The following TNFSF11 variants were observed in gnomAD, a reference collection of about 807,000 sequenced individuals.
TNFSF11 encodes tumor necrosis factor ligand superfamily member 11.
TNFSF11 carries 12 observed loss-of-function variants against 32.2 expected under a neutral mutation model. The ratio of observed to expected loss-of-function variants is 0.37; its 90% CI spans 0.24 to 0.60. The LOEUF (loss-of-function observed/expected upper bound fraction) is 0.60. Among genes scored for constraint, TNFSF11 ranks in the 20% least tolerant of loss-of-function variants. The pLI is 0.66. For missense variants in TNFSF11, 345 were observed against 398.0 expected (o/e 0.87, Z 1.13); for synonymous variants, 172 against 152.1 (o/e 1.13, Z -0.96).
chr13:42,573,583 G>A (rs1471595515), upstream of TNFSF11, among the ~76,000 whole-genome samples: 1 of 152,054 alleles, frequency 6.6e-6, no homozygotes, highest in Non-Finnish European at 1.5e-5. Flanking sequence ...GCTCTCTACT[G>A]CCACATTCAA....
intron 2 of TNFSF11, among the ~76,000 whole-genome samples, chr13:42,582,775 T>G (rs1024161118): frequency 1.3e-5 from 2 of 152,222 alleles, no homozygotes; most frequent in African/African-American, 4.8e-5. Flanking sequence ...AATCTATTCA[T>G]TTTTATTGTT....
chr13:42,567,206 A>T (rs1301268943), intron 2 of TNFSF11, among the ~76,000 whole-genome samples: 1 of 152,182 alleles, frequency 6.6e-6, no homozygotes, highest in African/African-American at 2.4e-5. Context: ...GTTTTCAGAA[A>T]CAGCTACAAT....
chr13:42,600,477 T>C (rs1869108003), intron 2 of TNFSF11, among the ~76,000 whole-genome samples: 1 of 152,234 alleles, frequency 6.6e-6, no homozygotes, highest in Non-Finnish European at 1.5e-5. Flanking sequence ...AATTACGCCA[T>C]GGTTTATAAT....
At chr13:42,601,807 T>C (rs1159248887) in intron 4 of TNFSF11, among the ~76,000 whole-genome samples, 1 of 152,184 alleles carries the variant, frequency 6.6e-6, no homozygotes. Context: ...AATCAGGTGT[T>C]TTCCCCTTCC....
chr13:42,582,448 T>G (rs561593666), intron 2 of TNFSF11, among the ~76,000 whole-genome samples: 1 of 152,342 alleles, frequency 6.6e-6, no homozygotes, highest in South Asian at 2.1e-4. Context: ...CAGCCTACTT[T>G]GTTATTTCAT....
chr13:42,570,867 A>G (rs369380025), upstream of TNFSF11, among the ~76,000 whole-genome samples: 10 of 152,342 alleles, frequency 6.6e-5, no homozygotes, highest in South Asian at 1.7e-3. Flanking sequence ...CATTGTACTA[A>G]GAGTTTTCTC....
At chr13:42,587,571 A>G (rs1873957130) in intron 2 of TNFSF11, among the ~76,000 whole-genome samples, 1 of 152,264 alleles carries the variant, frequency 6.6e-6, no homozygotes, top group East Asian at 1.9e-4. Flanking sequence ...CAAGAGAGTG[A>G]GAGAAATTTG....
chr13:42,602,509 A>G (rs1869233250), intron 4 of TNFSF11, among the ~76,000 whole-genome samples: 2 of 152,204 alleles, frequency 1.3e-5, no homozygotes, highest in Non-Finnish European at 2.9e-5. Flanking sequence ...AGACACAGAA[A>G]GGGAGAAACC....
At chr13:42,585,781 T>C (rs971890049) in intron 2 of TNFSF11, among the ~76,000 whole-genome samples, 2 of 152,198 alleles carry the variant, frequency 1.3e-5, no homozygotes, top group Admixed American at 6.5e-5. Context: ...GCACTTACTA[T>C]ACATTCTGAG....
chr13:42,595,848 A>G (rs1868777801), intron 2 of TNFSF11, among the ~76,000 whole-genome samples: 1 of 152,270 alleles, frequency 6.6e-6, no homozygotes, highest in Non-Finnish European at 1.5e-5. Context: ...GATTATCAGA[A>G]CTTTCTGAAT....
At chr13:42,580,183 C>T (rs1873533328) in intron 1 of TNFSF11, among the ~76,000 whole-genome samples, 1 of 152,180 alleles carries the variant, frequency 6.6e-6, no homozygotes, top group Non-Finnish European at 1.5e-5. Context: ...GTTAAATTCT[C>T]ATTATTAAAA....
intron 2 of TNFSF11, among the ~76,000 whole-genome samples, chr13:42,585,891 C>G (rs935431075): frequency 1.3e-5 from 2 of 152,168 alleles, no homozygotes; most frequent in East Asian, 1.9e-4. Context: ...CTTGCAAAGG[C>G]ATTTGAAAGA....
chr13:42,592,872 C>G (rs994158813), intron 2 of TNFSF11, among the ~76,000 whole-genome samples: 2 of 152,296 alleles, frequency 1.3e-5, no homozygotes, highest in African/African-American at 4.8e-5. Flanking sequence ...CTCACTCCGT[C>G]CTGCCACCCT....
intron 2 of TNFSF11, among the ~76,000 whole-genome samples, chr13:42,583,865 A>G (rs1320347111): frequency 1.3e-5 from 2 of 152,042 alleles, no homozygotes; most frequent in Non-Finnish European, 2.9e-5. Context: ...TATAGAGAAA[A>G]GAGGGCAGAA....
intron 2 of TNFSF11, among the ~76,000 whole-genome samples, chr13:42,595,908 A>G (rs1028188181): frequency 6.6e-6 from 1 of 152,254 alleles, no homozygotes; most frequent in Non-Finnish European, 1.5e-5. Context: ...GGAATAAAGA[A>G]CTATAGAAAT....
At chr13:42,601,125 G>A (rs1239343522) in intron 4 of TNFSF11, 144 bp downstream of exon 4, 2 of 863,022 alleles carry the variant, frequency 2.3e-6, no homozygotes, top group East Asian at 5.2e-5. Context: ...TCATCCTCAG[G>A]TGATGATTCA....
chr13:42,567,935 A>G (rs1872926624), intron 2 of TNFSF11, among the ~76,000 whole-genome samples: 1 of 152,218 alleles, frequency 6.6e-6, no homozygotes, highest in Admixed American at 6.5e-5. Flanking sequence ...CTCCCCAGCT[A>G]TCAGACACCA....
At chr13:42,572,773 G>T (rs1443948074), upstream of TNFSF11, among the ~76,000 whole-genome samples, 4 of 152,176 alleles carry the variant, frequency 2.6e-5, no homozygotes, top group Non-Finnish European at 4.4e-5. Flanking sequence ...AGGTCTAAGT[G>T]TTCAATTTAG....
chr13:42,607,220 G>A lies in TNFSF11; in HGVS notation c.*302G>A. The A allele has an allele frequency of 3.1e-6, 1 of 321,810 alleles. No individual in the cohort carries two copies. The highest frequency in any genetic ancestry group is 5.8e-6 in the Non-Finnish European group (1 of 173,766). The allele number at this position is 321,810 out of a possible 1,614,324, so 19.9% of individuals were successfully genotyped here. ...AAACTGCATGTGGGCTATGGGAGGGGTTGGTCCCTGGTCATGTGCCCCTTC... is the reference window on the plus strand; with the variant it reads ...AAACTGCATGTGGGCTATGGGAGGGATTGGTCCCTGGTCATGTGCCCCTTC... On this transcript the variant is annotated 3_prime_UTR_variant, in exon 5 of 5. Transcript: ENST00000398795.
Sources: gnomAD v4.1 joint callset for allele counts (sites outside exome capture counted in the v4.1 genomes callset) on GRCh38, gnomAD v4.1.1 for gene constraint, MANE v1.5 for transcripts, NCBI Gene and HGNC (gene_info 2026-07-23, HGNC 2026-07-21) for gene names.